Variants in BOC observed in about 807,000 individuals in gnomAD.
BOC encodes brother of CDO.
BOC carries 76 observed loss-of-function variants against 112.0 expected under a neutral mutation model. The observed-to-expected ratio is 0.68, with a 90% CI of 0.56 to 0.82. BOC has a LOEUF of 0.82. Ranked by LOEUF, BOC falls within the 40% of genes least tolerant of loss-of-function variation. The pLI, the probability that BOC is intolerant of heterozygous loss-of-function variation, is 0.00. For synonymous variants in BOC, 580 were observed against 599.8 expected (o/e 0.97, Z 0.48); for missense variants, 1,309 against 1,511.7 (o/e 0.87, Z 2.22).
At chr3:113,242,048 AAG>A (rs1285097584) in intron 2 of BOC, among the ~76,000 whole-genome samples, 1 of 152,054 alleles carries the variant, frequency 6.6e-6, no homozygotes, top group Admixed American at 6.6e-5. Context: ...GCTCTGAATG[AAG>A]AGAGAGAAAT....
At chr3:113,260,667 TAGAACAGAAC>T (rs11455670) in intron 4 of BOC, among the ~76,000 whole-genome samples, 8,544 of 126,152 alleles carry the variant, frequency 0.068, 385 homozygotes, top group East Asian at 0.16. Context: ...TAGAATAGAA[TAGAACAGAAC>T]AGAACAGAAC....
In BOC at chr3:113,283,586, C is replaced by CGT; in HGVS notation, c.2611_2612dup (p.Thr872SerfsTer67). The CGT allele has an allele frequency of 1.2e-6, 2 of 1,613,784 alleles. No homozygotes were observed. The highest frequency in any genetic ancestry group is 1.7e-6 in the Non-Finnish European group (2 of 1,179,944). ...TCCTGGGCTCCATCGTTCTCATCAT[C>CGT]GTCACCTTCATCCCCTTCTGCTTGT... On this transcript the variant is annotated frameshift_variant, in exon 16 of 20. Coordinates refer to ENST00000682979, the MANE Select transcript of BOC (RefSeq NM_001378074.1). LOFTEE classifies it high-confidence loss of function.
chr3:113,228,764 G>A (rs2107681825), intron 2 of BOC, among the ~76,000 whole-genome samples: 1 of 152,278 alleles, frequency 6.6e-6, no homozygotes, highest in African/African-American at 2.4e-5. Context: ...GAAATAGGGT[G>A]TTGTAGGGAC....
intron 4 of BOC, among the ~76,000 whole-genome samples, chr3:113,254,634 C>T (rs1031984383): frequency 3.9e-5 from 6 of 152,246 alleles, no homozygotes; most frequent in East Asian, 1.9e-4. Context: ...CCGGTGCACA[C>T]GCATGCACAC....
At chr3:113,216,634 C>G (rs1008658002) in intron 2 of BOC, among the ~76,000 whole-genome samples, 1 of 152,204 alleles carries the variant, frequency 6.6e-6, no homozygotes, top group African/African-American at 2.4e-5. Flanking sequence ...CAGCAAATGC[C>G]TTGTGGTCTG....
intron 3 of BOC, among the ~76,000 whole-genome samples, 187 bp downstream of exon 3, chr3:113,250,086 G>A (rs1257392900): frequency 6.6e-6 from 1 of 152,144 alleles, no homozygotes; most frequent in Non-Finnish European, 1.5e-5. Flanking sequence ...TTATAGTTTG[G>A]TATTTGACTC....
At chr3:113,263,337 CA>C (rs1214853188) in intron 4 of BOC, among the ~76,000 whole-genome samples, 3 of 152,198 alleles carry the variant, frequency 2.0e-5, no homozygotes, top group Non-Finnish European at 4.4e-5. Context: ...GAGGGTAGGA[CA>C]GGACTGTGCA....
intron 4 of BOC, chr3:113,251,992 AC>A (rs1226752748): frequency 1.3e-5 from 2 of 152,170 alleles, no homozygotes; most frequent in Non-Finnish European, 2.9e-5. Context: ...GAGTAAACAG[AC>A]GTCCTACCTT....
At chr3:113,249,949 T>C (rs904645327) in intron 3 of BOC, 50 bp downstream of exon 3, 2 of 1,500,440 alleles carry the variant, frequency 1.3e-6, no homozygotes, top group Admixed American at 1.7e-5. Context: ...ATGGAAACAT[T>C]CCGCATTCTA....
Position 113,249,720 on chromosome 3 carries a change from A to T in BOC, c.-81-2A>T. ...TTGCTCTCCCTTTCTCTCTTACAAC[A>T]GAGTGTTGCCAGGGACGGCAGTATC... On this transcript the variant is annotated splice_acceptor_variant, in intron 2 of 19. Coordinates refer to ENST00000682979, the MANE Select transcript of BOC (RefSeq NM_001378074.1). LOFTEE classifies it low-confidence loss of function (5UTR_SPLICE). 1 of 1,166,178 alleles carries T rather than the reference A, an allele frequency of 8.6e-7. No homozygotes were observed. The highest frequency in any genetic ancestry group is 1.2e-6 in the Non-Finnish European group (1 of 812,800). The allele number at this position is 1,166,178 out of a possible 1,614,324, so 72.2% of individuals were successfully genotyped here. A position where few individuals can be genotyped will look rare whatever the true frequency, so the allele number is the denominator to read the frequency against.
chr3:113,243,740 C>CTT (rs1944583213), intron 2 of BOC, among the ~76,000 whole-genome samples: 1 of 152,220 alleles, frequency 6.6e-6, no homozygotes, highest in Non-Finnish European at 1.5e-5. Flanking sequence ...CTTGCTTGTA[C>CTT]ATACCTCAAG....
intron 4 of BOC, among the ~76,000 whole-genome samples, chr3:113,266,228 TG>T (rs1259484722): frequency 7.2e-5 from 11 of 152,294 alleles, no homozygotes; most frequent in African/African-American, 1.9e-4. Flanking sequence ...TGTGTGTGTG[TG>T]GGTACATAGT....
chr3:113,231,143 TATGGGAAG>T, intron 2 of BOC, among the ~76,000 whole-genome samples: 1 of 152,186 alleles, frequency 6.6e-6, no homozygotes. Context: ...AAATGAGGCC[TATGGGAAG>T]ATGGGAAGAT....
At position 113,280,659 on chromosome 3, in the gene BOC, G is replaced by A. The variant is rs770366116; in HGVS notation, c.2307G>A (p.Val769=). Residue 769 remains valine, a synonymous_variant, in exon 14 of 20, where the codon GTG becomes GTA. Coordinates refer to ENST00000682979, the MANE Select transcript of BOC (RefSeq NM_001378074.1). ...ATAGTGACTACAAGAAGGATATGGT[G>A]GAAGGTGAGACACAGTTCTGTGTTT... The part of the protein sequence containing the change: ...DNDSDYKKDM[V]EGDKYWHSIS... 3.1e-6 allele frequency: 5 copies of A among 1,594,106 alleles called. No individual in the cohort carries two copies. Among genetic ancestry groups the A allele is most frequent in the Non-Finnish European group, 4.3e-6 (5 of 1,161,828 alleles).
Position 113,250,646 on chromosome 3 carries a change from G to A in BOC, c.189G>A (p.Arg63=). ...VILGCVVEPP[R]MNVTWRLNGK... is the part of the protein sequence containing the mutation. ...TGGGCTGCGTGGTGGAACCTCCAAG[G>A]ATGAATGTAACCTGGCGCCTGAATG... The change falls in exon 4 of 20, where the codon AGG becomes AGA. Residue 63 remains arginine (R), a synonymous_variant. Transcript: ENST00000682979. 1 of 1,614,202 alleles carries A rather than the reference G, an allele frequency of 6.2e-7. No individual in the cohort carries two copies. Among genetic ancestry groups the A allele is most frequent in the Non-Finnish European group, 8.5e-7 (1 of 1,180,040 alleles).
intron 2 of BOC, among the ~76,000 whole-genome samples, chr3:113,224,404 C>T (rs1352305746): frequency 6.6e-6 from 1 of 152,106 alleles, no homozygotes; most frequent in African/African-American, 2.4e-5. Flanking sequence ...GTGACAGAAC[C>T]CCCAGGATTC....
chr3:113,252,957 T>A (rs1243646174), intron 4 of BOC, among the ~76,000 whole-genome samples: 1 of 152,264 alleles, frequency 6.6e-6, no homozygotes. Flanking sequence ...GGTCATCTCA[T>A]CACGTCAAGA....
chr3:113,278,167 A>T lies in BOC; in HGVS notation c.1615A>T (p.Arg539Ter). Residue 539 changes from arginine to a stop codon, truncating the protein, a stop_gained, in exon 10 of 20, where the codon AGA becomes TGA. Transcript: ENST00000682979. LOFTEE classifies it high-confidence loss of function. The surrounding 1 kb of genome is among the most constrained non-coding windows in gnomAD (Gnocchi z 4.2). Reference protein sequence around the residue: ...PANQHRLTLTRLDPGSLYEVE... With the variant: ...PANQHRLTLT The stretch of plus-strand genomic sequence containing the variant: ...CAACCAGCACCGCCTGACCCTCACC[A>T]GACTTGACCCCGGGAGCTTGTATGA... 6.2e-7 allele frequency: 1 copy of T among 1,614,204 alleles called. No homozygotes were observed. The highest frequency in any genetic ancestry group is 8.5e-7 in the Non-Finnish European group (1 of 1,180,042).
chr3:113,285,274 C>T (rs575845222), intron 18 of BOC, 98 bp from the exon 19 acceptor site: 713 of 1,234,952 alleles, frequency 5.8e-4, no homozygotes, highest in Non-Finnish European at 7.8e-4. Context: ...CTCTCACCAG[C>T]TCTGATGCCC....
Sources: gnomAD v4.1 joint callset for allele counts (sites outside exome capture counted in the v4.1 genomes callset) on GRCh38, gnomAD v4.1.1 for gene constraint, Gnocchi (gnomAD v3.1) non-coding constraint, MANE v1.5 for transcripts, NCBI Gene and HGNC (gene_info 2026-07-23, HGNC 2026-07-21) for gene names.